The following GPR3 variants were observed in gnomAD, a reference collection of about 807,000 sequenced individuals.
GPR3 encodes the protein G protein-coupled receptor 3, also known as ACCA orphan receptor.
A neutral mutation model predicts 18.2 loss-of-function variants in GPR3; 16 were observed. The observed-to-expected ratio is 0.88, with a 90% CI of 0.60 to 1.34. The LOEUF is 1.34. GPR3 is among the 40% of genes most tolerant of loss of function. The pLI is 0.00. For missense variants in GPR3, 326 were observed against 427.6 expected, an observed-to-expected ratio of 0.76 and a Z score of 2.10; for synonymous variants, 183 against 188.9, an observed-to-expected ratio of 0.97 and a Z score of 0.26.
rs1351331780 is a variant in GPR3, at chr1:27,395,513, G to C, written c.*722G>C. The C allele has an allele frequency of 6.0e-6, 1 of 167,108 alleles. No individual in the cohort carries two copies. The highest frequency in any genetic ancestry group is 2.4e-5 in the African/African-American group (1 of 41,462). The allele number at this position is 167,108 out of a possible 1,614,324, so 10.4% of individuals were successfully genotyped here. On this transcript the variant is annotated 3_prime_UTR_variant, in exon 2 of 2. Coordinates refer to ENST00000374024, the MANE Select transcript of GPR3 (RefSeq NM_005281.4). ...AGCCTCTGGTTTTTTATTTTTTTAA[G>C]AAGCCATCACCTGAGCAACCAAAAA...
chr1:27,393,226 T>TG (rs2016506732), intron 1 of GPR3, among the ~76,000 whole-genome samples: 1 of 52,416 alleles, frequency 1.9e-5, no homozygotes, highest in South Asian at 8.7e-4. Context: ...TCTGGGAGGG[T>TG]GGGGGGTGGG....
At position 27,394,301 on chromosome 1, in the gene GPR3, GGCT is replaced by G; in HGVS notation, c.509_511del (p.Leu170del). ...GTGTGGGGAGGTGCCCTGGGCCTGG[GGCT>G]GCTGCCTGTGCTGGCCTGGAACTGC... is the stretch of plus-strand genomic sequence containing the variant. On this transcript the variant is annotated inframe_deletion, in exon 2 of 2. Transcript: ENST00000374024. 6.2e-7 allele frequency: 1 copy of G among 1,613,286 alleles called. No individual in the cohort carries two copies.
Position 27,394,420 on chromosome 1 carries a change from A to G in GPR3, c.622A>G (p.Ile208Val), listed in dbSNP as rs372161312. 10 of 1,614,138 alleles carry G rather than the reference A, an allele frequency of 6.2e-6. No homozygotes were observed. The East Asian group carries it at 8.9e-5, about 14-fold the overall frequency. Residue 208 changes from isoleucine (I) to valine (V), a missense_variant, in exon 2 of 2, where the codon ATC (isoleucine) becomes GTC (valine). Transcript: ENST00000374024. ...CATTGCCTTCTTCATGGTGTTTGGC[A>G]TCATGCTGCAGCTCTACGCCCAAAT... Reference protein sequence around the residue: ...LAIAFFMVFGIMLQLYAQICR... With the variant: ...LAIAFFMVFGVMLQLYAQICR...
chr1:27,392,758 C>G (rs1441906181), intron 1 of GPR3, 21 bp downstream of exon 1: 1 of 152,180 alleles, frequency 6.6e-6, no homozygotes, highest in Non-Finnish European at 1.5e-5. Context: ...GGCCCCGCCG[C>G]GGGCACCAGG....
rs761562115 is a variant in GPR3, at chr1:27,394,327, T to G, written c.529T>G (p.Cys177Gly). 6.2e-7 allele frequency: 1 copy of G among 1,613,846 alleles called. No homozygotes were observed. Among genetic ancestry groups the G allele is most frequent in the Non-Finnish European group, 8.5e-7 (1 of 1,180,032 alleles). The change falls in exon 2 of 2, where the codon TGC becomes GGC. Residue 177 changes from cysteine (C) to glycine (G), a missense_variant. Transcript: ENST00000374024. ...LGLLPVLAWN[C>G]LDGLTTCGVV... ...GCTGCTGCCTGTGCTGGCCTGGAAC[T>G]GCCTGGATGGCCTGACCACATGTGG...
chr1:27,394,283 GA>G lies in GPR3; in HGVS notation c.486del (p.Gly163ValfsTer19). ...RTYVMLALVW[G>X]GALGLGLLPV... is the part of the protein sequence containing the mutation. The stretch of plus-strand genomic sequence containing the variant: ...TATGTGATGCTGGCCTTAGTGTGGG[GA>G]GGTGCCCTGGGCCTGGGGCTGCTGC... On this transcript the variant is annotated frameshift_variant, in exon 2 of 2. Transcript: ENST00000374024. LOFTEE classifies it high-confidence loss of function. 1 of 1,613,082 alleles carries G rather than the reference GA, an allele frequency of 6.2e-7. No individual in the cohort carries two copies. Among genetic ancestry groups the G allele is most frequent in the East Asian group, 2.2e-5 (1 of 44,874 alleles).
chr1:27,393,852 C>G lies in GPR3; in HGVS notation c.54C>G (p.Asn18Lys). The change falls in exon 2 of 2, where the codon AAC (asparagine) becomes AAG (lysine). Residue 18 changes from asparagine (N) to lysine (K), a missense_variant. By Grantham distance (94) the Asn-to-Lys change is moderately conservative. Coordinates refer to ENST00000374024, the MANE Select transcript of GPR3 (RefSeq NM_005281.4). ...CCTGGCTCTCAGCTGGCTCAGGCAACGTGAATGTAAGCAGCGTGGGCCCAG... is the reference window on the plus strand; with the variant it reads ...CCTGGCTCTCAGCTGGCTCAGGCAAGGTGAATGTAAGCAGCGTGGGCCCAG... ...PLAWLSAGSG[N>K]VNVSSVGPAE... 6.3e-7 allele frequency: 1 copy of G among 1,582,370 alleles called. No individual in the cohort carries two copies. Among genetic ancestry groups the G allele is most frequent in the Non-Finnish European group, 8.6e-7 (1 of 1,160,888 alleles).
chr1:27,394,915 A>C lies in GPR3; in HGVS notation c.*124A>C. The C allele has an allele frequency of 9.5e-7, 1 of 1,053,596 alleles. No homozygotes were observed. The highest frequency in any genetic ancestry group is 1.4e-6 in the Non-Finnish European group (1 of 714,676). The allele number at this position is 1,053,596 out of a possible 1,614,324, so 65.3% of individuals were successfully genotyped here. ...ACCCAGCTGGTTCTGGAGTTCTAGG[A>C]CATTGGGTGTTTCAAGGTTCTGTTC... is the stretch of plus-strand genomic sequence containing the variant. On this transcript the variant is annotated 3_prime_UTR_variant, in exon 2 of 2. Coordinates refer to ENST00000374024, the MANE Select transcript of GPR3 (RefSeq NM_005281.4).
In GPR3 at chr1:27,394,867, A is replaced by AC; in HGVS notation, c.*81dup. ...TAGGCTCTCCAGGGCTTCTTTCCAAACCCCCAGCTCCACACCCCCCAGACC... is the reference window on the plus strand; with the variant it reads ...TAGGCTCTCCAGGGCTTCTTTCCAAACCCCCCAGCTCCACACCCCCCAGACC... On this transcript the variant is annotated 3_prime_UTR_variant, in exon 2 of 2. Transcript: ENST00000374024. The AC allele has an allele frequency of 6.7e-7, 1 of 1,488,238 alleles. No individual in the cohort carries two copies. The highest frequency in any genetic ancestry group is 9.2e-7 in the Non-Finnish European group (1 of 1,091,082). The allele number at this position is 1,488,238 out of a possible 1,614,324, so 92.2% of individuals were successfully genotyped here. A position where few individuals can be genotyped will look rare whatever the true frequency, so the allele number is the denominator to read the frequency against.
Position 27,393,838 on chromosome 1 carries a change from G to T in GPR3, c.40G>T (p.Ala14Ser). The change falls in exon 2 of 2, where the codon GCT (alanine) becomes TCT (serine). Residue 14 changes from alanine (A) to serine (S), a missense_variant. Ala to Ser is a moderately conservative substitution (Grantham distance 99). Transcript: ENST00000374024. ...AGGCAGCCCTCTGGCCTGGCTCTCA[G>T]CTGGCTCAGGCAACGTGAATGTAAG... is the stretch of plus-strand genomic sequence containing the variant. ...GAGSPLAWLS[A>S]GSGNVNVSSV... 6.4e-7 allele frequency: 1 copy of T among 1,569,648 alleles called. No homozygotes were observed. Among genetic ancestry groups the T allele is most frequent in the Non-Finnish European group, 8.7e-7 (1 of 1,154,664 alleles).
At position 27,392,633 on chromosome 1, in the gene GPR3, C is replaced by A. The variant is rs1193227562; in HGVS notation, c.-110C>A. ...GGGGGCGGGGCGGGGTGACTCACGC[C>A]GCTTCTCCCGCGGCCGCGGGGGCTT... On this transcript the variant is annotated 5_prime_UTR_variant, in exon 1 of 2. Transcript: ENST00000374024. 6.6e-6 allele frequency: 1 copy of A among 151,994 alleles called. No homozygotes were observed. The highest frequency in any genetic ancestry group is 2.4e-5 in the African/African-American group (1 of 41,412). 9.4% of individuals were successfully genotyped at this position (151,994 alleles called of 1,614,324 possible). A position where few individuals can be genotyped will look rare whatever the true frequency, so the allele number is the denominator to read the frequency against.
Position 27,394,721 on chromosome 1 carries a change from T to C in GPR3, c.923T>C (p.Leu308Pro). The C allele has an allele frequency of 6.2e-7, 1 of 1,614,236 alleles. No individual in the cohort carries two copies. Among genetic ancestry groups the C allele is most frequent in the Non-Finnish European group, 8.5e-7 (1 of 1,180,036 alleles). The change falls in exon 2 of 2, where the codon CTG becomes CCG. Residue 308 changes from leucine to proline, a missense_variant. Leu to Pro is a moderately conservative substitution (Grantham distance 98). Coordinates refer to ENST00000374024, the MANE Select transcript of GPR3 (RefSeq NM_005281.4). ...CGCAACCAGGATGTGCAGAAAGTGCTGTGGGCTGTCTGCTGCTGCTGTTCC... is the reference window on the plus strand; with the variant it reads ...CGCAACCAGGATGTGCAGAAAGTGCCGTGGGCTGTCTGCTGCTGCTGTTCC... The part of the protein sequence containing the change: ...AFRNQDVQKV[L>P]WAVCCCCSSS...
chr1:27,395,358 A>AG lies in GPR3; in HGVS notation c.*573dup, dbSNP rs1396327131. On this transcript the variant is annotated 3_prime_UTR_variant, in exon 2 of 2. Transcript: ENST00000374024. ...CCCCATTTCTGACCTCAGTTCCTGGAGGGGGGAAAGGGTGAAAGAGAAACC... is the reference window on the plus strand; with the variant it reads ...CCCCATTTCTGACCTCAGTTCCTGGAGGGGGGGAAAGGGTGAAAGAGAAACC... 1 of 167,362 alleles carries AG rather than the reference A, an allele frequency of 6.0e-6. No individual in the cohort carries two copies. Among genetic ancestry groups the AG allele is most frequent in the Non-Finnish European group, 1.5e-5 (1 of 68,354 alleles). The allele number at this position is 167,362 out of a possible 1,614,324, so 10.4% of individuals were successfully genotyped here.
chr1:27,394,200 C>T lies in GPR3; in HGVS notation c.402C>T (p.Arg134=), dbSNP rs1321935170. The T allele has an allele frequency of 1.2e-6, 2 of 1,613,946 alleles. No homozygotes were observed. Among genetic ancestry groups the T allele is most frequent in the South Asian group, 1.1e-5 (1 of 91,090 alleles). ...IGSLLAITVD[R]YLSLYNALTY... is the part of the protein sequence containing the mutation. ...GTCTACTGGCCATCACTGTCGACCG[C>T]TACCTTTCTCTGTACAATGCCCTCA... Residue 134 remains arginine (R), a synonymous_variant, in exon 2 of 2, where the codon CGC becomes CGT. Coordinates refer to ENST00000374024, the MANE Select transcript of GPR3 (RefSeq NM_005281.4).
chr1:27,394,839 T>C lies in GPR3; in HGVS notation c.*48T>C. The C allele has an allele frequency of 6.3e-7, 1 of 1,575,950 alleles. No individual in the cohort carries two copies. Among genetic ancestry groups the C allele is most frequent in the Admixed American group, 1.7e-5 (1 of 58,128 alleles). ...CCCTGATTACTACAGAATTCCAGAA[T>C]GTTAGGCTCTCCAGGGCTTCTTTCC... On this transcript the variant is annotated 3_prime_UTR_variant, in exon 2 of 2. Transcript: ENST00000374024.
chr1:27,392,894 C>A (rs769033380), intron 1 of GPR3, among the ~76,000 whole-genome samples, 157 bp downstream of exon 1: 34 of 152,088 alleles, frequency 2.2e-4, no homozygotes, highest in Non-Finnish European at 4.4e-4. Flanking sequence ...GGCTTGGGCC[C>A]AAGTGCTCGA....
Position 27,394,661 on chromosome 1 carries a change from A to G in GPR3, c.863A>G (p.Tyr288Cys). 6.2e-7 allele frequency: 1 copy of G among 1,614,070 alleles called. No homozygotes were observed. Among genetic ancestry groups the G allele is most frequent in the African/African-American group, 1.3e-5 (1 of 74,990 alleles). The change falls in exon 2 of 2, where the codon TAC (tyrosine) becomes TGC (cysteine). Residue 288 changes from tyrosine (Y) to cysteine (C), a missense_variant. Coordinates refer to ENST00000374024, the MANE Select transcript of GPR3 (RefSeq NM_005281.4). Reference sequence around the variant, plus strand: ...TATCTTACCTTGCTCCCTGCCACCTACAACTCCATGATCAACCCTATCATC... The same window carrying G: ...TATCTTACCTTGCTCCCTGCCACCTGCAACTCCATGATCAACCCTATCATC... ...YTYLTLLPAT[Y>C]NSMINPIIYA... is the part of the protein sequence containing the mutation.
At chr1:27,393,392 G>C (rs950713940) in intron 1 of GPR3, among the ~76,000 whole-genome samples, 3 of 152,102 alleles carry the variant, frequency 2.0e-5, no homozygotes, top group African/African-American at 4.8e-5. Flanking sequence ...ATCTCTGATG[G>C]GAGGGAGCGG....
rs2016523011 is a variant in GPR3 at position 27,394,452 on chromosome 1, C to T, written c.654C>T (p.Arg218=). 5.6e-6 allele frequency: 9 copies of T among 1,614,050 alleles called. No individual in the cohort carries two copies. Among genetic ancestry groups the T allele is most frequent in the African/African-American group, 1.3e-5 (1 of 74,948 alleles). Reference sequence around the variant, plus strand: ...TGCAGCTCTACGCCCAAATCTGCCGCATCGTCTGCCGCCATGCCCAGCAGA... The same window carrying T: ...TGCAGCTCTACGCCCAAATCTGCCGTATCGTCTGCCGCCATGCCCAGCAGA... ...IMLQLYAQIC[R]IVCRHAQQIA... The change falls in exon 2 of 2, where the codon CGC becomes CGT. Residue 218 remains arginine, a synonymous_variant. Transcript: ENST00000374024.
Sources: allele counts gnomAD v4.1 joint callset (sites outside exome capture counted in the v4.1 genomes callset), GRCh38; gene constraint gnomAD v4.1.1; transcripts MANE v1.5; gene names NCBI Gene and HGNC (gene_info 2026-07-23, HGNC 2026-07-21).